The following CRY1 variants were observed in gnomAD, a reference collection of about 807,000 sequenced individuals.
CRY1 encodes cryptochrome circadian regulator 1, also known as cryptochrome-1.
A neutral mutation model predicts 76.0 loss-of-function variants in CRY1; 45 were observed. That is an observed-to-expected ratio of 0.59 (90% CI 0.47 to 0.76). The LOEUF (loss-of-function observed/expected upper bound fraction) is 0.76, where lower values mean the gene tolerates loss of function less well. Among genes scored for constraint, CRY1 ranks in the 30% least tolerant of loss-of-function variants. The pLI is 0.00. For synonymous variants in CRY1, 248 were observed against 244.0 expected (o/e 1.02, Z -0.15); for missense variants, 587 against 716.4 (o/e 0.82, Z 2.06).
At chr12:107,092,376 T>C (rs2136906637) in intron 1 of CRY1, among the ~76,000 whole-genome samples, 1 of 152,306 alleles carries the variant, frequency 6.6e-6, no homozygotes, top group Middle Eastern at 3.4e-3. Context: ...GAGCCTGCTG[T>C]ACTGAATGAA....
intron 1 of CRY1, among the ~76,000 whole-genome samples, chr12:107,081,438 C>T (rs1406324048): frequency 6.6e-6 from 1 of 152,050 alleles, no homozygotes; most frequent in Non-Finnish European, 1.5e-5. Context: ...CCTGTTTCCT[C>T]TTCCTTTAGG....
intron 2 of CRY1, among the ~76,000 whole-genome samples, chr12:107,007,936 G>GT (rs1251613444): frequency 6.6e-6 from 1 of 152,128 alleles, no homozygotes; most frequent in Non-Finnish European, 1.5e-5. Context: ...GTTCAGTCAC[G>GT]TAAGCCAGGG....
intron 1 of CRY1, among the ~76,000 whole-genome samples, chr12:107,044,689 C>G (rs184107783): frequency 8.4e-4 from 128 of 152,086 alleles, no homozygotes; most frequent in African/African-American, 3.0e-3. Context: ...TAAAAAGAAC[C>G]AAACAAAAAC....
At chr12:107,080,151 C>G (rs1953304822) in intron 1 of CRY1, among the ~76,000 whole-genome samples, 1 of 152,042 alleles carries the variant, frequency 6.6e-6, no homozygotes, top group Admixed American at 6.6e-5. Context: ...CAGAAATTAG[C>G]AAGTAATTGG....
intron 1 of CRY1, among the ~76,000 whole-genome samples, chr12:107,086,257 TAA>T (rs1953399779): frequency 6.6e-6 from 1 of 152,110 alleles, no homozygotes; most frequent in African/African-American, 2.4e-5. Flanking sequence ...AGCTAATAAT[TAA>T]GAGAAAAACA....
intron 1 of CRY1, among the ~76,000 whole-genome samples, chr12:107,086,619 A>T (rs576987077): frequency 6.6e-6 from 1 of 152,358 alleles, no homozygotes; most frequent in African/African-American, 2.4e-5. Flanking sequence ...GGCCCCAGGT[A>T]CTGTCTGGAC....
chr12:107,066,157 G>A (rs555736404), intron 1 of CRY1, among the ~76,000 whole-genome samples: 1 of 152,276 alleles, frequency 6.6e-6, no homozygotes, highest in East Asian at 1.9e-4. Context: ...TGATTAGTCC[G>A]AAACTGGGAA....
intron 1 of CRY1, among the ~76,000 whole-genome samples, chr12:107,073,574 A>C (rs984255398): frequency 6.6e-6 from 1 of 151,984 alleles, no homozygotes; most frequent in Non-Finnish European, 1.5e-5. Context: ...TAAAAACACA[A>C]AAAAATTAGC....
intron 1 of CRY1, among the ~76,000 whole-genome samples, chr12:107,026,316 C>G (rs1480827142): frequency 6.6e-6 from 1 of 151,000 alleles, no homozygotes; most frequent in Non-Finnish European, 1.5e-5. Flanking sequence ...ACTGCAGCCT[C>G]CACCTCCCAG....
chr12:107,092,128 CA>C (rs1434264755), intron 1 of CRY1, among the ~76,000 whole-genome samples: 4 of 152,112 alleles, frequency 2.6e-5, no homozygotes, highest in African/African-American at 9.7e-5. Flanking sequence ...TTATTTCCAC[CA>C]GGGGGCCTAA....
chr12:107,020,110 C>A (rs1243080877), intron 2 of CRY1, among the ~76,000 whole-genome samples: 2 of 150,150 alleles, frequency 1.3e-5, no homozygotes. Context: ...TAAATTCTAA[C>A]TTGATCTATT....
At chr12:107,076,063 T>C (rs1953248377) in intron 1 of CRY1, among the ~76,000 whole-genome samples, 1 of 151,720 alleles carries the variant, frequency 6.6e-6, no homozygotes, top group African/African-American at 2.4e-5. Flanking sequence ...TAGGCAAATC[T>C]GGAATTCAAG....
chr12:107,079,408 GA>G (rs1294118067), intron 1 of CRY1, among the ~76,000 whole-genome samples: 1 of 147,894 alleles, frequency 6.8e-6, no homozygotes, highest in Non-Finnish European at 1.5e-5. Context: ...GATGCAAAGA[GA>G]AATGTGATCC....
At chr12:107,025,886 C>G (rs181835890) in intron 1 of CRY1, among the ~76,000 whole-genome samples, 19 of 151,428 alleles carry the variant, frequency 1.3e-4, no homozygotes, top group African/African-American at 4.1e-4. Context: ...CCAAACTTCT[C>G]TTTCAGCACA....
At chr12:107,039,189 A>G (rs183348708) in intron 1 of CRY1, among the ~76,000 whole-genome samples, 101 of 152,286 alleles carry the variant, frequency 6.6e-4, no homozygotes, top group African/African-American at 2.4e-3. Flanking sequence ...TCAGCTCAAC[A>G]TGGATTAAGA....
chr12:107,088,924 G>C (rs1216009392), intron 1 of CRY1, among the ~76,000 whole-genome samples: 2 of 152,168 alleles, frequency 1.3e-5, no homozygotes, highest in Non-Finnish European at 2.9e-5. Context: ...CCAGTCCTAA[G>C]GAGCCACTAG....
At chr12:107,008,797 C>T (rs1345276428) in intron 2 of CRY1, among the ~76,000 whole-genome samples, 1 of 152,182 alleles carries the variant, frequency 6.6e-6, no homozygotes, top group Non-Finnish European at 1.5e-5. Flanking sequence ...TTCGCCCGTG[C>T]TGTTCTCATG....
chr12:107,018,082 A>G (rs1052397943), intron 2 of CRY1, among the ~76,000 whole-genome samples: 7 of 152,220 alleles, frequency 4.6e-5, no homozygotes, highest in Admixed American at 3.3e-4. Flanking sequence ...CAGGCACTCA[A>G]TCAGTATCTG....
At chr12:106,997,254 T>C in intron 10 of CRY1, 40 bp downstream of exon 10, 1 of 1,492,822 alleles carries the variant, frequency 6.7e-7, no homozygotes, top group Non-Finnish European at 9.3e-7. Flanking sequence ...TTTAATAACC[T>C]CTTCATGTTA....
Sources: gnomAD v4.1 joint callset for allele counts (sites outside exome capture counted in the v4.1 genomes callset) on GRCh38, gnomAD v4.1.1 for gene constraint, MANE v1.5 for transcripts, NCBI Gene and HGNC (gene_info 2026-07-23, HGNC 2026-07-21) for gene names.